The following EMX1 variants were observed in gnomAD, a reference collection of about 807,000 sequenced individuals.
The protein encoded by EMX1 is homeobox protein EMX1.
A neutral mutation model predicts 20.1 loss-of-function variants in EMX1; 10 were observed. The ratio of observed to expected loss-of-function variants is 0.50; its 90% CI spans 0.31 to 0.84. The LOEUF is 0.84. Among genes scored for constraint, EMX1 ranks in the 40% least tolerant of loss-of-function variants. The pLI is 0.05. For missense variants in EMX1, 424 were observed against 431.9 expected, an observed-to-expected ratio of 0.98 and a Z score of 0.16; for synonymous variants, 250 against 200.4, an observed-to-expected ratio of 1.25 and a Z score of -2.09.
Position 72,917,932 on chromosome 2 carries a change from C to G in EMX1, c.80C>G (p.Thr27Arg). The G allele has an allele frequency of 1.3e-6, 2 of 1,485,944 alleles. No homozygotes were observed. The highest frequency in any genetic ancestry group is 2.5e-5 in the South Asian group (2 of 79,408). 92.0% of individuals were successfully genotyped at this position (1,485,944 alleles called of 1,614,324 possible). Residue 27 changes from threonine to arginine, a missense_variant, in exon 1 of 3, where the codon ACA becomes AGA. By Grantham distance (71) the Thr-to-Arg change is moderately conservative. Around this residue, in one of 2 missense-constraint regions of EMX1, gnomAD observed 333 missense variants for 296.6 expected, o/e 1.12. Transcript: ENST00000258106. ...CTCCCCAGAGCCCGGCTGCCTCGCACAGCTCCCGCGGCTGCGACCATGTTC... is the reference window on the plus strand; with the variant it reads ...CTCCCCAGAGCCCGGCTGCCTCGCAGAGCTCCCGCGGCTGCGACCATGTTC... The part of the protein sequence containing the change: ...GALPRARLPR[T>R]APAAATMFQP...
intron 1 of EMX1, 92 bp downstream of exon 1, chr2:72,918,464 G>A: frequency 7.5e-7 from 1 of 1,326,996 alleles, no homozygotes; most frequent in Non-Finnish European, 9.6e-7. Context: ...GGGCTGTTTA[G>A]AAGTTACTGC....
chr2:72,933,391 A>C, intron 2 of EMX1: 1 of 183,936 alleles, frequency 5.4e-6, no homozygotes, highest in South Asian at 1.3e-4. Flanking sequence ...ACTCACATCC[A>C]CTCTGTGAAG....
At position 72,924,343 on chromosome 2, in the gene EMX1, C is replaced by T. The variant is rs1052802428; in HGVS notation, c.555C>T (p.His185=). ...TGCCCCAGGACGGGCTGCTTCTGCA[C>T]GGCCCCTTCGCACGCAAGCCCAAGC... ...SDVPQDGLLL[H]GPFARKPKRI... is the part of the protein sequence containing the mutation. Residue 185 remains histidine (H), a synonymous_variant, in exon 2 of 3, where the codon CAC becomes CAT. Coordinates refer to ENST00000258106, the MANE Select transcript of EMX1 (RefSeq NM_004097.3). The T allele has an allele frequency of 1.9e-6, 3 of 1,580,682 alleles. No homozygotes were observed. The highest frequency in any genetic ancestry group is 2.7e-5 in the African/African-American group (2 of 74,786).
chr2:72,924,146 A>G (rs1014039923), intron 1 of EMX1, 163 bp from the exon 2 acceptor site: 3 of 889,400 alleles, frequency 3.4e-6, no homozygotes, highest in African/African-American at 3.3e-5. Context: ...AAGGGGCGGC[A>G]AAAGGGCAAA....
intron 2 of EMX1, among the ~76,000 whole-genome samples, chr2:72,925,019 C>T (rs1671170909): frequency 6.6e-6 from 1 of 152,242 alleles, no homozygotes; most frequent in Non-Finnish European, 1.5e-5. Flanking sequence ...GCCCAGGTGT[C>T]CTCAGACTAC....
chr2:72,924,117 G>C, intron 1 of EMX1, 192 bp from the exon 2 acceptor site: 1 of 674,766 alleles, frequency 1.5e-6, no homozygotes, highest in Non-Finnish European at 2.6e-6. Flanking sequence ...AGGTGTTGCG[G>C]AGGGGAGTGG....
chr2:72,921,540 G>T (rs1435833746), intron 1 of EMX1, among the ~76,000 whole-genome samples: 1 of 152,212 alleles, frequency 6.6e-6, no homozygotes, highest in Non-Finnish European at 1.5e-5. Context: ...GCAGAAACAT[G>T]TAGCAATTGA....
At chr2:72,924,925 C>G (rs926974283) in intron 2 of EMX1, among the ~76,000 whole-genome samples, 1 of 152,220 alleles carries the variant, frequency 6.6e-6, no homozygotes, top group African/African-American at 2.4e-5. Context: ...TGCGGGGAGC[C>G]GGTCCGCACT....
intron 1 of EMX1, among the ~76,000 whole-genome samples, chr2:72,921,317 C>T (rs1256660398): frequency 1.3e-5 from 2 of 152,224 alleles, no homozygotes; most frequent in African/African-American, 4.8e-5. Flanking sequence ...TTCCACTTTG[C>T]TAACTGTCCT....
chr2:72,917,361 G>A (rs1243148302), upstream of EMX1: 3 of 339,868 alleles, frequency 8.8e-6, no homozygotes, highest in Admixed American at 4.4e-5. Flanking sequence ...GCGAGGGGAG[G>A]AGGAGGCCTG....
intron 1 of EMX1, among the ~76,000 whole-genome samples, chr2:72,919,342 T>C (rs1371837896): frequency 2.0e-5 from 3 of 152,028 alleles, no homozygotes; most frequent in African/African-American, 4.8e-5. Context: ...TTTTAAAGAG[T>C]GGCCTTGATT....
chr2:72,920,717 C>T (rs1217361705), intron 1 of EMX1, among the ~76,000 whole-genome samples: 1 of 152,230 alleles, frequency 6.6e-6, no homozygotes, highest in African/African-American at 2.4e-5. Flanking sequence ...GCGGCGTCTC[C>T]GCTAACCGAG....
chr2:72,916,425 C>G (rs1670962827), upstream of EMX1: 9 of 540,038 alleles, frequency 1.7e-5, no homozygotes, highest in South Asian at 1.9e-4. Context: ...GTCCAGGTCC[C>G]AGCCTCCCCA....
chr2:72,933,888 C>A lies in EMX1; in HGVS notation c.807C>A (p.Ile269=). 4 of 1,614,268 alleles carry A rather than the reference C, an allele frequency of 2.5e-6. No individual in the cohort carries two copies. Among genetic ancestry groups the A allele is most frequent in the Non-Finnish European group, 3.4e-6 (4 of 1,180,042 alleles). ...AGAAGAAGAAGGGCTCCCATCACATCAACCGGTGGCGCATTGCCACGAAGC... is the reference window on the plus strand; with the variant it reads ...AGAAGAAGAAGGGCTCCCATCACATAAACCGGTGGCGCATTGCCACGAAGC... ...SEQKKKGSHH[I]NRWRIATKQA... Residue 269 remains isoleucine, a synonymous_variant, in exon 3 of 3, where the codon ATC becomes ATA. Transcript: ENST00000258106.
intron 2 of EMX1, chr2:72,926,094 T>G (rs1257403745): frequency 1.0e-6 from 1 of 983,040 alleles, no homozygotes; most frequent in African/African-American, 1.7e-5. Context: ...ACAGTAATAT[T>G]TATTAAATTT....
intron 2 of EMX1, among the ~76,000 whole-genome samples, chr2:72,932,768 C>A (rs1671304759): frequency 6.6e-6 from 1 of 152,190 alleles, no homozygotes; most frequent in Non-Finnish European, 1.5e-5. Flanking sequence ...AACCCCACCC[C>A]ATACCTTGCC....
intron 2 of EMX1, among the ~76,000 whole-genome samples, chr2:72,931,878 A>G (rs1191956381): frequency 6.6e-6 from 1 of 152,232 alleles, no homozygotes; most frequent in Non-Finnish European, 1.5e-5. Context: ...ACAAGGGCAG[A>G]TGGCGCAGTG....
At chr2:72,933,186 TGTG>T in intron 2 of EMX1, 2 of 152,372 alleles carry the variant, frequency 1.3e-5, no homozygotes, top group Non-Finnish European at 2.9e-5. Flanking sequence ...CAGCGGGTTC[TGTG>T]CCCCCAGGGA....
chr2:72,927,905 C>T (rs1671229673), intron 2 of EMX1, among the ~76,000 whole-genome samples: 1 of 152,220 alleles, frequency 6.6e-6, no homozygotes. Context: ...CTCCCTGTCC[C>T]TCTCCTTCTA....
Sources: gnomAD v4.1 joint callset for allele counts (sites outside exome capture counted in the v4.1 genomes callset) on GRCh38, gnomAD v4.1.1 for gene constraint, gnomAD v4.1.1 regional missense constraint, MANE v1.5 for transcripts, NCBI Gene and HGNC (gene_info 2026-07-23, HGNC 2026-07-21) for gene names.